MAP3K1: variants seen among roughly 807,000 people sequenced by gnomAD.
MAP3K1 encodes the protein MAP/ERK kinase kinase 1.
Under a neutral mutation model 144.2 loss-of-function variants are expected in MAP3K1, and 36 were observed. That is an observed-to-expected ratio of 0.25 (90% CI 0.19 to 0.33). The LOEUF is 0.33. Ranked by LOEUF, MAP3K1 falls within the 10% of genes least tolerant of loss-of-function variation. The pLI is 1.00. For synonymous variants in MAP3K1, 718 were observed against 688.7 expected (o/e 1.04, Z -0.67); for missense variants, 1,650 against 1,881.9 (o/e 0.88, Z 2.28).
chr5:56,874,183 CAT>C (rs1437005901), intron 9 of MAP3K1, among the ~76,000 whole-genome samples: 4 of 152,144 alleles, frequency 2.6e-5, no homozygotes, highest in Non-Finnish European at 5.9e-5. Flanking sequence ...TATAACAAAA[CAT>C]ATGTAAATAA....
intron 17 of MAP3K1, 50 bp from the exon 18 acceptor site, chr5:56,887,328 C>T (rs1748408806): frequency 1.3e-6 from 2 of 1,599,686 alleles, no homozygotes; most frequent in Non-Finnish European, 1.7e-6. Flanking sequence ...TTTTATCTGT[C>T]CTTATTTTTG....
At position 56,894,481 on chromosome 5, in the gene MAP3K1, T is replaced by A. The variant is rs948521194; in HGVS notation, c.*801T>A. 4.3e-6 allele frequency: 1 copy of A among 232,660 alleles called. No homozygotes were observed. Among genetic ancestry groups the A allele is most frequent in the Non-Finnish European group, 8.5e-6 (1 of 117,702 alleles). 14.4% of individuals were successfully genotyped at this position (232,660 alleles called of 1,614,324 possible). A position where few individuals can be genotyped will look rare whatever the true frequency, so the allele number is the denominator to read the frequency against. On this transcript the variant is annotated 3_prime_UTR_variant, in exon 20 of 20. Coordinates refer to ENST00000399503, the MANE Select transcript of MAP3K1 (RefSeq NM_005921.2). ...TTTTTTAAATTGGAATACAATAAAG[T>A]ACTACCTACATTTGAGTCAGTCACC...
chr5:56,886,133 G>A (rs1579783899), intron 17 of MAP3K1, 70 bp downstream of exon 17: 1 of 1,259,940 alleles, frequency 7.9e-7, no homozygotes, highest in East Asian at 2.5e-5. Flanking sequence ...GCCAGGCACA[G>A]TGGCTCACAC....
chr5:56,845,951 C>G (rs1746981061), intron 1 of MAP3K1, among the ~76,000 whole-genome samples: 1 of 152,128 alleles, frequency 6.6e-6, no homozygotes, highest in Non-Finnish European at 1.5e-5. Context: ...TTTCTCCCCG[C>G]AGGGAGATAG....
intron 16 of MAP3K1, among the ~76,000 whole-genome samples, chr5:56,885,595 T>C (rs1748355872): frequency 6.6e-6 from 1 of 152,220 alleles, no homozygotes; most frequent in African/African-American, 2.4e-5. Context: ...ATGTTAACAT[T>C]GTTTACTTTA....
At chr5:56,850,903 A>C (rs574677616) in intron 1 of MAP3K1, among the ~76,000 whole-genome samples, 1 of 152,280 alleles carries the variant, frequency 6.6e-6, no homozygotes, top group East Asian at 1.9e-4. Context: ...TGAGCCATTT[A>C]ATAAATAACT....
chr5:56,879,411 A>G (rs1246744500), intron 11 of MAP3K1, among the ~76,000 whole-genome samples: 8 of 152,200 alleles, frequency 5.3e-5, no homozygotes, highest in Admixed American at 3.3e-4. Flanking sequence ...ATTTATATCT[A>G]TAAGTTATAA....
At chr5:56,826,489 CAG>C (rs1292342532) in intron 1 of MAP3K1, among the ~76,000 whole-genome samples, 4 of 151,554 alleles carry the variant, frequency 2.6e-5, no homozygotes, top group South Asian at 2.1e-4. Flanking sequence ...GATGTGGTCT[CAG>C]GGAAAAAATG....
intron 10 of MAP3K1, among the ~76,000 whole-genome samples, chr5:56,876,270 G>A (rs766030894): frequency 1.3e-4 from 17 of 132,800 alleles, no homozygotes; most frequent in African/African-American, 4.2e-4. Flanking sequence ...ACCCCCACCC[G>A]ATCATGCCCC....
At chr5:56,884,871 A>T in intron 16 of MAP3K1, 45 bp downstream of exon 16, 1 of 1,567,072 alleles carries the variant, frequency 6.4e-7, no homozygotes, top group Non-Finnish European at 8.8e-7. Flanking sequence ...CGTGGATTTA[A>T]CTTTCTGCAA....
chr5:56,878,589 G>C (rs1032772246), intron 10 of MAP3K1, among the ~76,000 whole-genome samples: 1 of 152,020 alleles, frequency 6.6e-6, no homozygotes, highest in African/African-American at 2.4e-5. Flanking sequence ...AGGCTCCTGG[G>C]TATTCATTTT....
At chr5:56,856,500 C>A (rs1453805607) in intron 1 of MAP3K1, 100 bp from the exon 2 acceptor site, 1 of 1,006,584 alleles carries the variant, frequency 9.9e-7, no homozygotes. Context: ...TATTACATGT[C>A]CGTTGGAAGT....
At chr5:56,838,009 A>C (rs765596982) in intron 1 of MAP3K1, among the ~76,000 whole-genome samples, 1 of 152,192 alleles carries the variant, frequency 6.6e-6, no homozygotes, top group Non-Finnish European at 1.5e-5. Context: ...GGAAAACTAG[A>C]TAAACTAGGG....
chr5:56,860,900 G>A (rs527462515), intron 3 of MAP3K1, among the ~76,000 whole-genome samples: 21 of 151,976 alleles, frequency 1.4e-4, no homozygotes, highest in African/African-American at 5.1e-4. Context: ...TTTTTCACTA[G>A]TGTTAAAAGT....
intron 1 of MAP3K1, among the ~76,000 whole-genome samples, chr5:56,841,825 T>G (rs1746823978): frequency 6.6e-6 from 1 of 152,204 alleles, no homozygotes; most frequent in South Asian, 2.1e-4. Flanking sequence ...AATGGCACAG[T>G]CAGGACTTGA....
At chr5:56,856,071 A>G (rs1383765859) in intron 1 of MAP3K1, among the ~76,000 whole-genome samples, 2 of 152,204 alleles carry the variant, frequency 1.3e-5, no homozygotes, top group Admixed American at 1.3e-4. Flanking sequence ...GAGTACCCCA[A>G]GTGCTTTGTT....
chr5:56,831,980 C>T (rs1746507646), intron 1 of MAP3K1, among the ~76,000 whole-genome samples: 1 of 152,162 alleles, frequency 6.6e-6, no homozygotes, highest in Admixed American at 6.5e-5. Context: ...ATTTAACCTG[C>T]TGTCTGACTG....
Position 56,879,031 on chromosome 5 carries a change from A to G in MAP3K1, c.2017A>G (p.Arg673Gly), listed in dbSNP as rs763866638. The G allele has an allele frequency of 2.0e-5, 33 of 1,613,898 alleles. 1 individual carries two copies. Among genetic ancestry groups the G allele is most frequent in the African/African-American group, 1.3e-5 (1 of 74,916 alleles). Residue 673 changes from arginine (R) to glycine (G), a missense_variant, in exon 11 of 20, where the codon AGA becomes GGA. Arg to Gly is a moderately radical substitution (Grantham distance 125). Coordinates refer to ENST00000399503, the MANE Select transcript of MAP3K1 (RefSeq NM_005921.2). ...TACTCCTTGCCACAGTTTAGCGGAA[A>G]GAATCAAACTTCAGAGACTTCTCCA... Reference protein sequence around the residue: ...VYTPCHSLAERIKLQRLLQPV... With the variant: ...VYTPCHSLAEGIKLQRLLQPV...
At chr5:56,844,471 G>A (rs1447053006) in intron 1 of MAP3K1, among the ~76,000 whole-genome samples, 1 of 152,028 alleles carries the variant, frequency 6.6e-6, no homozygotes, top group Admixed American at 6.5e-5. Context: ...GAGCCACCGT[G>A]CCCGGCCTAG....
Sources: gnomAD v4.1 joint callset for allele counts (sites outside exome capture counted in the v4.1 genomes callset) on GRCh38, gnomAD v4.1.1 for gene constraint, MANE v1.5 for transcripts, NCBI Gene and HGNC (gene_info 2026-07-23, HGNC 2026-07-21) for gene names.